The following SIRPG variants were observed in gnomAD, a reference collection of about 807,000 sequenced individuals.
SIRPG encodes signal-regulatory protein gamma.
SIRPG carries 38 observed loss-of-function variants against 35.7 expected under a neutral mutation model. That is an observed-to-expected ratio of 1.06 (90% confidence interval 0.82 to 1.40). The LOEUF (loss-of-function observed/expected upper bound fraction) is 1.40, where lower values mean the gene tolerates loss of function less well. Among genes scored for constraint, SIRPG ranks in the 40% most tolerant of loss-of-function variants. The pLI is 0.00. For synonymous variants in SIRPG, 215 were observed against 190.4 expected (o/e 1.13, Z -1.06); for missense variants, 519 against 483.0 (o/e 1.07, Z -0.70).
At chr20:1,651,771 A>G (rs2091941638) in intron 1 of SIRPG, among the ~76,000 whole-genome samples, 1 of 151,850 alleles carries the variant, frequency 6.6e-6, no homozygotes, top group South Asian at 2.1e-4. Flanking sequence ...ATGCACAGCT[A>G]TGTGTTGCCT....
intron 1 of SIRPG, among the ~76,000 whole-genome samples, chr20:1,654,752 A>G (rs2091964664): frequency 6.6e-6 from 1 of 152,222 alleles, no homozygotes. Context: ...GAGACAACCT[A>G]TAGAATGGAA....
At chr20:1,658,631 A>G (rs1012121526), upstream of SIRPG, among the ~76,000 whole-genome samples, 5 of 152,176 alleles carry the variant, frequency 3.3e-5, no homozygotes, top group African/African-American at 7.2e-5. Context: ...CTCAGTTTCA[A>G]TCTCCTAAAC....
chr20:1,630,843 G>T (rs1050905414), intron 4 of SIRPG: 5 of 152,690 alleles, frequency 3.3e-5, no homozygotes, highest in African/African-American at 7.2e-5. Context: ...AGAGTTGCAG[G>T]TTCCCTGCTT....
At chr20:1,678,783 A>G in the SIRPG span, among the ~76,000 whole-genome samples, 1 of 152,188 alleles carries the variant, frequency 6.6e-6, no homozygotes, top group Non-Finnish European at 1.5e-5. Flanking sequence ...ATTAAGACAC[A>G]TTATAATCCA....
Position 1,649,261 on chromosome 20 carries a change from C to G in SIRPG, c.221G>C (p.Arg74Pro). Reference sequence around the variant, plus strand: ...TTCTTTTTGATTGTAGATTAATTCCCGGCCTGGTCCAACTCCTCTGAACCA... The same window carrying G: ...TTCTTTTTGATTGTAGATTAATTCCGGGCCTGGTCCAACTCCTCTGAACCA... ...VLWFRGVGPG[R>P]ELIYNQKEGH... is the part of the protein sequence containing the mutation. Residue 74 changes from arginine to proline, a missense_variant, in exon 2 of 6, where the codon CGG (arginine) becomes CCG (proline). Transcript: ENST00000303415. 1 of 1,614,070 alleles carries G rather than the reference C, an allele frequency of 6.2e-7. No homozygotes were observed. Among genetic ancestry groups the G allele is most frequent in the Non-Finnish European group, 8.5e-7 (1 of 1,180,032 alleles).
chr20:1,681,657 C>T, the SIRPG span, among the ~76,000 whole-genome samples: 3 of 150,954 alleles, frequency 2.0e-5, no homozygotes, highest in African/African-American at 4.9e-5. Context: ...ATGGCAAAAC[C>T]CTGTCTCTAC....
chr20:1,682,457 A>T, the SIRPG span, among the ~76,000 whole-genome samples: 1 of 152,216 alleles, frequency 6.6e-6, no homozygotes, highest in Non-Finnish European at 1.5e-5. Context: ...ATATGAAAAA[A>T]TTCAACATTT....
upstream of SIRPG, among the ~76,000 whole-genome samples, chr20:1,659,935 GA>G (rs1296489236): frequency 6.6e-6 from 1 of 152,118 alleles, no homozygotes; most frequent in African/African-American, 2.4e-5. Flanking sequence ...AAGATTTGAG[GA>G]ACAGCACTGC....
intron 2 of SIRPG, chr20:1,646,349 G>A (rs2091897357): frequency 6.6e-6 from 1 of 152,274 alleles, no homozygotes; most frequent in Non-Finnish European, 1.5e-5. Context: ...ATGGAAACTT[G>A]CTCCTATGGG....
chr20:1,664,417 AG>A, the SIRPG span, among the ~76,000 whole-genome samples: 6 of 152,072 alleles, frequency 3.9e-5, no homozygotes, highest in African/African-American at 1.5e-4. Context: ...TCCAGAAGAC[AG>A]AATAAGTACG....
chr20:1,673,881 TA>T, the SIRPG span, among the ~76,000 whole-genome samples: 1 of 152,192 alleles, frequency 6.6e-6, no homozygotes, highest in African/African-American at 2.4e-5. Context: ...CAGTGCTGTT[TA>T]AACACAAACT....
rs1008572660 is a variant in SIRPG at position 1,632,827 on chromosome 20, C to T, written c.1081+2440G>A. On this transcript the variant is annotated intron_variant, in intron 4 of 5. Transcript: ENST00000303415. ...AAAAGCCTCAAGTCAATTAAATCAC[C>T]ACTTCAAGAAACTAGAAAAAGTAGA... Among the ~76,000 whole-genome samples the T allele has an allele frequency of 2.6e-5, 4 of 151,988 alleles. 1 individual carries two copies.
Position 1,657,574 on chromosome 20 carries a change from G to C in SIRPG, c.73+68C>G, listed in dbSNP as rs946977760. On this transcript the variant is annotated intron_variant, in intron 1 of 5. Coordinates refer to ENST00000303415, the MANE Select transcript of SIRPG (RefSeq NM_018556.4). ...GTGCTTGTGCTTATCTGAAATTGCT[G>C]CAAGTCCAGGGGCAAGGCTAGGTCC... 2.0e-6 allele frequency: 3 copies of C among 1,487,720 alleles called. No homozygotes were observed. In the East Asian group the frequency reaches 6.8e-5, roughly 34 times the overall value. The allele number at this position is 1,487,720 out of a possible 1,614,324, so 92.2% of individuals were successfully genotyped here.
chr20:1,659,284 A>C (rs188171412), upstream of SIRPG, among the ~76,000 whole-genome samples: 129 of 152,360 alleles, frequency 8.5e-4, 1 homozygote, highest in Non-Finnish European at 1.6e-3. Flanking sequence ...TAGGTTCTTA[A>C]TCTGTCATGA....
intron 1 of SIRPG, among the ~76,000 whole-genome samples, chr20:1,649,630 T>G (rs2091925268): frequency 3.7e-4 from 1 of 2,674 alleles, no homozygotes; most frequent in African/African-American, 1.5e-3. Context: ...AGAGAGGTTC[T>G]TTTTTTTTTT....
chr20:1,665,756 A>G, the SIRPG span, among the ~76,000 whole-genome samples: 1 of 152,204 alleles, frequency 6.6e-6, no homozygotes, highest in Non-Finnish European at 1.5e-5. Context: ...AGGTTAGGTT[A>G]TGTATATTTT....
chr20:1,679,825 G>A, the SIRPG span, among the ~76,000 whole-genome samples: 1 of 147,368 alleles, frequency 6.8e-6, no homozygotes, highest in African/African-American at 2.4e-5. Flanking sequence ...TTGCTACTCT[G>A]ATTGGCTCAA....
At chr20:1,632,092 C>A (rs1173571586) in intron 4 of SIRPG, among the ~76,000 whole-genome samples, 1 of 152,026 alleles carries the variant, frequency 6.6e-6, no homozygotes, top group Non-Finnish European at 1.5e-5. Context: ...TGGGGTAGGG[C>A]CCTGATGGGG....
chr20:1,671,098 T>G, the SIRPG span: 1 of 427,622 alleles, frequency 2.3e-6, no homozygotes, highest in Non-Finnish European at 4.7e-6. Flanking sequence ...CAGGGTGGTG[T>G]TTCAGGGGGA....
Sources: gnomAD v4.1 joint callset for allele counts (sites outside exome capture counted in the v4.1 genomes callset) on GRCh38, gnomAD v4.1.1 for gene constraint, MANE v1.5 for transcripts, NCBI Gene and HGNC (gene_info 2026-07-23, HGNC 2026-07-21) for gene names.